Variants in TMPRSS13 observed in about 807,000 individuals in gnomAD.
TMPRSS13 encodes transmembrane protease serine 13.
Under a neutral mutation model 68.4 loss-of-function variants are expected in TMPRSS13, and 50 were observed. The observed-to-expected ratio is 0.73, with a 90% CI of 0.58 to 0.93. TMPRSS13 has a LOEUF of 0.93. Ranked by LOEUF, TMPRSS13 falls within the 40% of genes least tolerant of loss-of-function variation. The probability of loss-of-function intolerance (pLI) is 0.00; values close to 1 mark genes in which losing one functional copy is unlikely to be tolerated. For synonymous variants in TMPRSS13, 267 were observed against 285.8 expected (o/e 0.93, Z 0.66); for missense variants, 615 against 729.2 (o/e 0.84, Z 1.80).
At chr11:117,913,120 A>G (rs2057539811) in intron 5 of TMPRSS13, among the ~76,000 whole-genome samples, 1 of 152,174 alleles carries the variant, frequency 6.6e-6, no homozygotes, top group African/African-American at 2.4e-5. Flanking sequence ...AACCTCACAC[A>G]CACTGATAAA....
In TMPRSS13 at chr11:117,915,819, G is replaced by A. The variant is rs1452874982; in HGVS notation, c.557-1305C>T. Among the ~76,000 whole-genome samples, 4 of 152,212 alleles carry A rather than the reference G, an allele frequency of 2.6e-5. No individual in the cohort carries two copies. The highest frequency in any genetic ancestry group is 5.9e-5 in the Non-Finnish European group (4 of 68,028). ...TCTCGCCCCTCCATGGGTTAGTCCT[G>A]TGGCTTTCATGGAGCAGGGTGCCCT... On this transcript the variant is annotated intron_variant, in intron 3 of 12. Coordinates refer to ENST00000524993, the MANE Select transcript of TMPRSS13 (RefSeq NM_001077263.3). This position sits in a 1 kb window ranked among gnomAD's most constrained non-coding sequence, Gnocchi z 4.9.
At chr11:117,902,922 C>CAAGT in intron 12 of TMPRSS13, 1 of 992,172 alleles carries the variant, frequency 1.0e-6, no homozygotes, top group Non-Finnish European at 1.2e-6. Context: ...TAGGGTGGAT[C>CAAGT]AAGTATTCCA....
In TMPRSS13 at chr11:117,913,856, G is replaced by A; in HGVS notation, c.730C>T (p.His244Tyr). 1 of 1,614,078 alleles carries A rather than the reference G, an allele frequency of 6.2e-7. No homozygotes were observed. The highest frequency in any genetic ancestry group is 8.5e-7 in the Non-Finnish European group (1 of 1,179,978). ...CTGCTACAGATGGGAAGCCACTGAT[G>A]GGAGGACCCAGAGTAGATTTTAAGC... ...SLLKIYSGSS[H>Y]QWLPICSSNW... The change falls in exon 5 of 13, where the codon CAT becomes TAT. Residue 244 changes from histidine (H) to tyrosine (Y), a missense_variant. Coordinates refer to ENST00000524993, the MANE Select transcript of TMPRSS13 (RefSeq NM_001077263.3).
rs139617075 is a variant in TMPRSS13, at chr11:117,908,372, C to T, written c.1282+240G>A. 6.8e-4 allele frequency: 417 copies of T among 612,716 alleles called. 3 individuals carry two copies. In the East Asian group the frequency reaches 0.011, roughly 17 times the overall value. The allele number at this position is 612,716 out of a possible 1,614,324, so 38.0% of individuals were successfully genotyped here. On this transcript the variant is annotated intron_variant, in intron 9 of 12. Coordinates refer to ENST00000524993, the MANE Select transcript of TMPRSS13 (RefSeq NM_001077263.3). ...AAGATCAGTACCCAAGCCCTGACTC[C>T]GTCATCAATTTGTAATGTGAGATGT...
Position 117,915,600 on chromosome 11 carries a change from T to C in TMPRSS13, c.557-1086A>G, listed in dbSNP as rs190474675. Among the ~76,000 whole-genome samples the C allele has an allele frequency of 5.8e-4, 88 of 152,186 alleles. No homozygotes were observed. The highest frequency in any genetic ancestry group is 2.0e-3 in the African/African-American group (83 of 41,508). ...GTAGTGGAGAGGGTACTGGGCCGGGTTGGGAGTCAGGAGGCCTGGGCTCTA... is the reference window on the plus strand; with the variant it reads ...GTAGTGGAGAGGGTACTGGGCCGGGCTGGGAGTCAGGAGGCCTGGGCTCTA... On this transcript the variant is annotated intron_variant, in intron 3 of 12. Coordinates refer to ENST00000524993, the MANE Select transcript of TMPRSS13 (RefSeq NM_001077263.3). The surrounding 1 kb of genome is among the most constrained non-coding windows in gnomAD (Gnocchi z 4.9).
In TMPRSS13 at chr11:117,918,676, C is replaced by T. The variant is rs2057607548; in HGVS notation, c.184G>A (p.Ala62Thr). 1.2e-6 allele frequency: 2 copies of T among 1,602,364 alleles called. No individual in the cohort carries two copies. Among genetic ancestry groups the T allele is most frequent in the South Asian group, 1.1e-5 (1 of 89,704 alleles). Reference sequence around the variant, plus strand: ...GATGCCCGGCCTGGAGGTGTACCAGCTGGAGATGCCTGGGCTGGAGATGCC... The same window carrying T: ...GATGCCCGGCCTGGAGGTGTACCAGTTGGAGATGCCTGGGCTGGAGATGCC... ...GRASPAQASP[A>T]GTPPGRASPG... The change falls in exon 2 of 13, where the codon GCT becomes ACT. Residue 62 changes from alanine (A) to threonine (T), a missense_variant. Ala to Thr is a moderately conservative substitution (Grantham distance 58, BLOSUM62 0). Transcript: ENST00000524993.
At chr11:117,908,529 G>A (rs1277002980) in intron 9 of TMPRSS13, 83 bp downstream of exon 9, 12 of 1,477,290 alleles carry the variant, frequency 8.1e-6, no homozygotes, top group Non-Finnish European at 3.7e-6. Flanking sequence ...CCGGATATGA[G>A]TTGACAGATG....
At chr11:117,928,483 C>A (rs550786706) in intron 1 of TMPRSS13, among the ~76,000 whole-genome samples, 1 of 152,308 alleles carries the variant, frequency 6.6e-6, no homozygotes, top group Admixed American at 6.5e-5. Flanking sequence ...GTCCCAGGCT[C>A]TACCATGTCG....
At chr11:117,920,217 T>C (rs2057629105) in intron 1 of TMPRSS13, among the ~76,000 whole-genome samples, 1 of 152,228 alleles carries the variant, frequency 6.6e-6, no homozygotes, top group Non-Finnish European at 1.5e-5. Flanking sequence ...GTCTCCTATC[T>C]GTAAGCTAGA....
At chr11:117,903,602 C>A in intron 12 of TMPRSS13, 53 bp downstream of exon 12, 1 of 1,612,600 alleles carries the variant, frequency 6.2e-7, no homozygotes, top group Non-Finnish European at 8.5e-7. Context: ...AGGGTCCCCA[C>A]CTGAGGAAGT....
In TMPRSS13 at chr11:117,915,748, C is replaced by T. The variant is rs1233287092; in HGVS notation, c.557-1234G>A. Among the ~76,000 whole-genome samples, 3 of 152,230 alleles carry T rather than the reference C, an allele frequency of 2.0e-5. No homozygotes were observed. The highest frequency in any genetic ancestry group is 2.1e-4 in the South Asian group (1 of 4,830). On this transcript the variant is annotated intron_variant, in intron 3 of 12. Coordinates refer to ENST00000524993, the MANE Select transcript of TMPRSS13 (RefSeq NM_001077263.3). The surrounding 1 kb of genome is among the most constrained non-coding windows in gnomAD (Gnocchi z 4.9). ...AACTTCAGGAAATGCTGTGAAACCACGCTGAGAGCTTTAGTTCTATTCTGT... is the reference window on the plus strand; with the variant it reads ...AACTTCAGGAAATGCTGTGAAACCATGCTGAGAGCTTTAGTTCTATTCTGT...
At chr11:117,919,758 A>G (rs903297026) in intron 1 of TMPRSS13, among the ~76,000 whole-genome samples, 2 of 152,272 alleles carry the variant, frequency 1.3e-5, no homozygotes, top group Non-Finnish European at 1.5e-5. Context: ...GCCATTTTAC[A>G]GATAGGAAAG....
chr11:117,910,868 C>T, intron 6 of TMPRSS13, 118 bp from the exon 7 acceptor site: 1 of 884,138 alleles, frequency 1.1e-6, no homozygotes. Context: ...ACCCTTTGTA[C>T]AGGAAGCAGG....
In TMPRSS13 at chr11:117,917,846, G is replaced by A. The variant is rs899756409; in HGVS notation, c.451+563C>T. 4.6e-5 allele frequency among the ~76,000 whole-genome samples: 7 copies of A among 152,308 alleles called. 2 individuals carry two copies. The highest frequency in any genetic ancestry group is 2.6e-4 in the Admixed American group (4 of 15,304). Reference sequence around the variant, plus strand: ...TCTGGGATGGGAGGAGGGCAGCATCGGAGTGGGCAGGAACACTGATTCCTT... The same window carrying A: ...TCTGGGATGGGAGGAGGGCAGCATCAGAGTGGGCAGGAACACTGATTCCTT... On this transcript the variant is annotated intron_variant, in intron 2 of 12. Transcript: ENST00000524993.
At position 117,910,755 on chromosome 11, in the gene TMPRSS13, A is replaced by AG. The variant is rs777964116; in HGVS notation, c.903-6dup. On this transcript the variant is annotated splice_polypyrimidine_tract_variant and splice_region_variant and intron_variant, in intron 6 of 12. Coordinates refer to ENST00000524993, the MANE Select transcript of TMPRSS13 (RefSeq NM_001077263.3). ...CGCTGGGAAGGGCATTCAGACCTGCAGGGGGAGACACAGAAAGTGGGAAAA... is the reference window on the plus strand; with the variant it reads ...CGCTGGGAAGGGCATTCAGACCTGCAGGGGGGAGACACAGAAAGTGGGAAAA... 6.2e-7 allele frequency: 1 copy of AG among 1,605,800 alleles called. No individual in the cohort carries two copies. Among genetic ancestry groups the AG allele is most frequent in the Non-Finnish European group, 8.5e-7 (1 of 1,175,250 alleles).
intron 1 of TMPRSS13, 46 bp from the exon 2 acceptor site, chr11:117,918,884 C>A (rs1183983891): frequency 6.2e-7 from 1 of 1,604,626 alleles, no homozygotes; most frequent in East Asian, 2.2e-5. Context: ...CCCCTGCCAA[C>A]CCACCCCAGC....
intron 9 of TMPRSS13, among the ~76,000 whole-genome samples, chr11:117,906,451 A>C (rs1367283832): frequency 6.6e-6 from 1 of 152,238 alleles, no homozygotes; most frequent in Non-Finnish European, 1.5e-5. Context: ...TAGTTAATAG[A>C]ATGTTTGCAG....
intron 1 of TMPRSS13, among the ~76,000 whole-genome samples, chr11:117,928,840 GAAGGTTTAGGAGTGTAGTGA>G (rs1345504744): frequency 1.3e-5 from 2 of 152,218 alleles, no homozygotes; most frequent in Admixed American, 1.3e-4. Context: ...AGTTTTCTGG[GAAGGTTTAGGAGTGTAGTGA>G]GGGGTTTAGA....
Position 117,903,780 on chromosome 11 carries a change from CA to C in TMPRSS13, c.1551del (p.Cys517TrpfsTer31). On this transcript the variant is annotated frameshift_variant, in exon 12 of 13. Transcript: ENST00000524993. LOFTEE classifies it high-confidence loss of function. ...GCCAGGTACCAGCGGTTGTTCTGCTCACAGACAAGAGGCCCCCCGCTGTCTC... is the reference window on the plus strand; with the variant it reads ...GCCAGGTACCAGCGGTTGTTCTGCTCCAGACAAGAGGCCCCCCGCTGTCTC... ...CQGDSGGPLVCEQNNRWYLAG... is the reference protein window; with the variant it reads ...CQGDSGGPLVXEQNNRWYLAG... 2 of 1,611,830 alleles carry C rather than the reference CA, an allele frequency of 1.2e-6. No individual in the cohort carries two copies. Among genetic ancestry groups the C allele is most frequent in the Non-Finnish European group, 1.7e-6 (2 of 1,178,980 alleles).
Sources: gnomAD v4.1 joint callset for allele counts (sites outside exome capture counted in the v4.1 genomes callset) on GRCh38, gnomAD v4.1.1 for gene constraint, Gnocchi (gnomAD v3.1) non-coding constraint, MANE v1.5 for transcripts, NCBI Gene and HGNC (gene_info 2026-07-23, HGNC 2026-07-21) for gene names.